The following UBN2 variants were observed in gnomAD, a reference collection of about 807,000 sequenced individuals.
The protein encoded by UBN2 is ubinuclein 2.
A neutral mutation model predicts 120.2 loss-of-function variants in UBN2; 35 were observed. The ratio of observed to expected loss-of-function variants is 0.29; its 90% CI spans 0.22 to 0.39. The LOEUF is 0.39. Among genes scored for constraint, UBN2 ranks in the 10% least tolerant of loss-of-function variants. The probability of loss-of-function intolerance (pLI) is 1.00; values close to 1 mark genes in which losing one functional copy is unlikely to be tolerated. For synonymous variants in UBN2, 661 were observed against 648.7 expected, an observed-to-expected ratio of 1.02 and a Z score of -0.29; for missense variants, 1,693 against 1,663.2, an observed-to-expected ratio of 1.02 and a Z score of -0.31.
rs1285098828 is a variant in UBN2, at chr7:139,302,472, T to G, written c.*4636T>G. On this transcript the variant is annotated 3_prime_UTR_variant, in exon 18 of 18. Coordinates refer to ENST00000473989, the MANE Select transcript of UBN2 (RefSeq NM_173569.4). ...AGGCTGAGGCAGGTGGATCACGAGG[T>G]CAGGAGATCGAGACCATCCTGGCTA... 4 of 151,622 alleles carry G rather than the reference T, an allele frequency of 2.6e-5. No homozygotes were observed. The East Asian group carries it at 5.8e-4, about 22-fold the overall frequency. 9.4% of individuals were successfully genotyped at this position (151,622 alleles called of 1,614,324 possible). A position where few individuals can be genotyped will look rare whatever the true frequency, so the allele number is the denominator to read the frequency against.
At chr7:139,237,972 G>T (rs543714829) in intron 2 of UBN2, among the ~76,000 whole-genome samples, 4 of 152,272 alleles carry the variant, frequency 2.6e-5, no homozygotes, top group Admixed American at 2.0e-4. Flanking sequence ...CAATATAGTG[G>T]TGTTTGTTTG....
At position 139,261,325 on chromosome 7, in the gene UBN2, A is replaced by G. The variant is rs758286915; in HGVS notation, c.979A>G (p.Met327Val). The change falls in exon 6 of 18, where the codon ATG (methionine) becomes GTG (valine). Residue 327 changes from methionine (M) to valine (V), a missense_variant. Transcript: ENST00000473989. ...TAAAGATTCTCTTTCTCTAGCTGCC[A>G]TGATTAGAAAATTCCAGAAAGAGAA... is the stretch of plus-strand genomic sequence containing the variant. ...RYKDSLSLAA[M>V]IRKFQKEKDA... 6 of 1,614,170 alleles carry G rather than the reference A, an allele frequency of 3.7e-6. No individual in the cohort carries two copies. The highest frequency in any genetic ancestry group is 1.1e-5 in the South Asian group (1 of 91,086).
chr7:139,261,213 A>C, intron 5 of UBN2, 39 bp from the exon 6 acceptor site: 1 of 1,536,178 alleles, frequency 6.5e-7, no homozygotes, highest in East Asian at 2.3e-5. Context: ...TAACGTTTAA[A>C]ATCACACATA....
chr7:139,252,537 A>G (rs1037809992), intron 3 of UBN2, among the ~76,000 whole-genome samples: 92 of 152,228 alleles, frequency 6.0e-4, no homozygotes, highest in African/African-American at 2.0e-3. Flanking sequence ...TTTTCCAATA[A>G]TTTTTAAAAT....
intron 7 of UBN2, among the ~76,000 whole-genome samples, chr7:139,267,845 T>G (rs1797145990): frequency 6.6e-6 from 1 of 152,242 alleles, no homozygotes; most frequent in Non-Finnish European, 1.5e-5. Context: ...GAGTCTTTTC[T>G]GCGTGGCAGC....
rs1798366249 is a variant in UBN2 at position 139,306,787 on chromosome 7, A to G, written c.*8951A>G. On this transcript the variant is annotated 3_prime_UTR_variant, in exon 18 of 18. Transcript: ENST00000473989. The stretch of plus-strand genomic sequence containing the variant: ...GTTAAACACCCTCAAACTTAAAAGA[A>G]GAAAATAGATCTCCAGCTGGTGAAA... 1 of 152,258 alleles carries G rather than the reference A, an allele frequency of 6.6e-6. No individual in the cohort carries two copies. The highest frequency in any genetic ancestry group is 1.5e-5 in the Non-Finnish European group (1 of 68,046). The allele number at this position is 152,258 out of a possible 1,614,324, so 9.4% of individuals were successfully genotyped here. A position where few individuals can be genotyped will look rare whatever the true frequency, so the allele number is the denominator to read the frequency against.
chr7:139,292,379 C>T (rs1414880544), intron 15 of UBN2, among the ~76,000 whole-genome samples: 2 of 152,114 alleles, frequency 1.3e-5, no homozygotes, highest in Admixed American at 6.5e-5. Flanking sequence ...AATATGTTAG[C>T]GTATCTCTGA....
chr7:139,274,117 A>T, intron 11 of UBN2, 43 bp downstream of exon 11: 2 of 1,528,880 alleles, frequency 1.3e-6, no homozygotes, highest in Non-Finnish European at 1.7e-6. Flanking sequence ...TTTTATTATT[A>T]TTGCTGTTAT....
At chr7:139,293,097 T>G (rs1371582165) in intron 15 of UBN2, 135 bp from the exon 16 acceptor site, 1 of 697,258 alleles carries the variant, frequency 1.4e-6, no homozygotes, top group Admixed American at 2.6e-5. Context: ...ACCGTGGTAA[T>G]GAAGAGCCTG....
chr7:139,292,080 A>C (rs1174406178), intron 15 of UBN2, among the ~76,000 whole-genome samples: 2 of 151,804 alleles, frequency 1.3e-5, no homozygotes, highest in East Asian at 3.9e-4. Context: ...GTGAAACCCT[A>C]TCTCTATAAT....
At chr7:139,240,279 G>T (rs1036999438) in intron 2 of UBN2, among the ~76,000 whole-genome samples, 2 of 151,310 alleles carry the variant, frequency 1.3e-5, no homozygotes, top group Admixed American at 1.3e-4. Flanking sequence ...TATTGTGTGT[G>T]TGTGTATATG....
At chr7:139,241,250 C>T (rs912986536) in intron 2 of UBN2, among the ~76,000 whole-genome samples, 10 of 152,116 alleles carry the variant, frequency 6.6e-5, no homozygotes, top group South Asian at 6.2e-4. Context: ...TTACCCCAGC[C>T]GTTCTGAAAG....
At chr7:139,241,827 A>G (rs138585423) in intron 2 of UBN2, among the ~76,000 whole-genome samples, 272 of 152,200 alleles carry the variant, frequency 1.8e-3, no homozygotes, top group Admixed American at 4.6e-3. Context: ...AAACCTTTCT[A>G]TCTCTACTAA....
In UBN2 at chr7:139,293,426, A is replaced by T. The variant is rs2131065153; in HGVS notation, c.3864A>T (p.Gly1288=). The change falls in exon 16 of 18, where the codon GGA becomes GGT. Residue 1288 remains glycine (G), a synonymous_variant. Coordinates refer to ENST00000473989, the MANE Select transcript of UBN2 (RefSeq NM_173569.4). ...CAGCTGGAGTGACAACCACCTCGGGATCTACCTCAGCCGCTTTCCACCATA... is the reference window on the plus strand; with the variant it reads ...CAGCTGGAGTGACAACCACCTCGGGTTCTACCTCAGCCGCTTTCCACCATA... The part of the protein sequence containing the change: ...TDTAGVTTTS[G]STSAAFHHSL... 6.2e-7 allele frequency: 1 copy of T among 1,614,126 alleles called. No individual in the cohort carries two copies. Among genetic ancestry groups the T allele is most frequent in the Non-Finnish European group, 8.5e-7 (1 of 1,180,006 alleles).
intron 12 of UBN2, 181 bp downstream of exon 12, chr7:139,276,328 C>A: frequency 1.6e-6 from 1 of 608,890 alleles, no homozygotes; most frequent in Non-Finnish European, 2.9e-6. Context: ...TCTCTAAACA[C>A]CTACTAAATC....
the UBN2 span, among the ~76,000 whole-genome samples, chr7:139,320,906 A>G: frequency 6.6e-6 from 1 of 152,170 alleles, no homozygotes; most frequent in Admixed American, 6.5e-5. Flanking sequence ...AAAAAGTCAT[A>G]TTAATATAAG....
chr7:139,259,084 C>T (rs1309363934), intron 4 of UBN2, among the ~76,000 whole-genome samples, 183 bp from the exon 5 acceptor site: 6 of 152,192 alleles, frequency 3.9e-5, no homozygotes, highest in Non-Finnish European at 7.3e-5. Context: ...AAGGTTCTAA[C>T]TCAGATAACT....
chr7:139,329,685 G>A, the UBN2 span, among the ~76,000 whole-genome samples: 1 of 151,962 alleles, frequency 6.6e-6, no homozygotes, highest in Non-Finnish European at 1.5e-5. Flanking sequence ...AGGAGCTCCA[G>A]GATGCCTTGG....
intron 12 of UBN2, 127 bp from the exon 13 acceptor site, chr7:139,279,191 C>T (rs533415307): frequency 1.9e-5 from 14 of 735,044 alleles, no homozygotes; most frequent in East Asian, 2.6e-5. Context: ...CACTTAAATA[C>T]GGTTCCTTCA....
Sources: gnomAD v4.1 joint callset for allele counts (sites outside exome capture counted in the v4.1 genomes callset) on GRCh38, gnomAD v4.1.1 for gene constraint, MANE v1.5 for transcripts, NCBI Gene and HGNC (gene_info 2026-07-23, HGNC 2026-07-21) for gene names.